SGK1: variants seen among roughly 807,000 people sequenced by gnomAD.
SGK1 encodes serine/threonine-protein kinase Sgk1.
In SGK1, 26 loss-of-function variants were observed where a neutral mutation model predicts 64.2. That is an observed-to-expected ratio of 0.40 (90% CI 0.30 to 0.56). The LOEUF (loss-of-function observed/expected upper bound fraction) is 0.56, where lower values mean the gene tolerates loss of function less well. Among genes scored for constraint, SGK1 ranks in the 20% least tolerant of loss-of-function variants. The pLI is 0.38. For missense variants in SGK1, 519 were observed against 645.6 expected (o/e 0.80, Z 2.12); for synonymous variants, 265 against 239.7 (o/e 1.11, Z -0.98).
intron 1 of SGK1, among the ~76,000 whole-genome samples, chr6:134,273,016 G>A (rs558720450): frequency 6.1e-5 from 9 of 148,344 alleles, no homozygotes; most frequent in Admixed American, 4.1e-4. Context: ...TTTCAGAGGG[G>A]CTGATACATG....
chr6:134,235,012 T>C (rs1776341057), intron 2 of SGK1, among the ~76,000 whole-genome samples: 1 of 152,216 alleles, frequency 6.6e-6, no homozygotes, highest in African/African-American at 2.4e-5. Flanking sequence ...ATTAATTTTC[T>C]TGAAGAGAAG....
chr6:134,303,132 G>A (rs910872825), intron 1 of SGK1, among the ~76,000 whole-genome samples: 1 of 151,992 alleles, frequency 6.6e-6, no homozygotes, highest in Admixed American at 6.5e-5. Flanking sequence ...AGTGGCTCAC[G>A]CCTATAATCC....
intron 3 of SGK1, chr6:134,178,052 G>T: frequency 1.9e-6 from 1 of 534,446 alleles, no homozygotes; most frequent in South Asian, 2.6e-5. Context: ...AAATCAGTCC[G>T]GAAAAAATTC....
At chr6:134,311,812 A>G (rs1337069399) in intron 1 of SGK1, among the ~76,000 whole-genome samples, 2 of 152,228 alleles carry the variant, frequency 1.3e-5, no homozygotes, top group Non-Finnish European at 2.9e-5. Flanking sequence ...AAGAAAGCAC[A>G]GTAGCAGCCA....
At chr6:134,266,110 A>G (rs1776851210) in intron 1 of SGK1, among the ~76,000 whole-genome samples, 1 of 151,822 alleles carries the variant, frequency 6.6e-6, no homozygotes, top group South Asian at 2.1e-4. Context: ...CAGCCTCCTG[A>G]GTGGCTGGAA....
At chr6:134,250,755 T>C (rs548992421) in intron 2 of SGK1, among the ~76,000 whole-genome samples, 34 of 152,318 alleles carry the variant, frequency 2.2e-4, no homozygotes, top group African/African-American at 7.9e-4. Flanking sequence ...CACTAAATCT[T>C]TCCCCCATTT....
At chr6:134,297,204 T>G (rs1239399666) in intron 1 of SGK1, 7 of 840,942 alleles carry the variant, frequency 8.3e-6, no homozygotes, top group Non-Finnish European at 1.4e-5. Flanking sequence ...ACTCACATTC[T>G]GTATCCCAGA....
At chr6:134,220,878 A>C (rs1035938390) in intron 2 of SGK1, among the ~76,000 whole-genome samples, 1 of 151,882 alleles carries the variant, frequency 6.6e-6, no homozygotes. Flanking sequence ...GCTACTCTGG[A>C]GGCTGAGGCA....
intron 1 of SGK1, among the ~76,000 whole-genome samples, chr6:134,277,053 CACAAAA>C (rs748076893): frequency 3.3e-5 from 5 of 150,614 alleles, no homozygotes; most frequent in Non-Finnish European, 7.4e-5. Context: ...CAAAAAAAAC[CACAAAA>C]ACAAAAACAA....
chr6:134,201,718 A>G (rs981320452), intron 3 of SGK1, among the ~76,000 whole-genome samples: 11 of 152,198 alleles, frequency 7.2e-5, no homozygotes, highest in African/African-American at 2.4e-4. Context: ...TACAGTAATA[A>G]AACTCGTACT....
intron 1 of SGK1, among the ~76,000 whole-genome samples, chr6:134,300,870 G>T (rs1190038370): frequency 6.6e-6 from 1 of 151,922 alleles, no homozygotes; most frequent in Non-Finnish European, 1.5e-5. Context: ...CTGACCTCGG[G>T]TGATCTACCC....
At chr6:134,301,586 C>CT (rs1777458676) in intron 1 of SGK1, among the ~76,000 whole-genome samples, 4 of 123,192 alleles carry the variant, frequency 3.2e-5, no homozygotes, top group Admixed American at 1.7e-4. Context: ...CTCTTCTCTT[C>CT]CCTTCTCTTC....
chr6:134,317,735 G>GT lies in SGK1; in HGVS notation c.-276dup. ...GCTGCAGGACCCTGGGGGCCGGACG[G>GT]TGGGATACGGCCAATCTCCGGGGAG... On this transcript the variant is annotated 5_prime_UTR_variant, in exon 1 of 14. Coordinates refer to ENST00000367858, the MANE Select transcript of SGK1 (RefSeq NM_001143676.3). The GT allele has an allele frequency of 2.6e-6, 1 of 383,078 alleles. No individual in the cohort carries two copies. Among genetic ancestry groups the GT allele is most frequent in the East Asian group, 4.4e-5 (1 of 22,764 alleles). 23.7% of individuals were successfully genotyped at this position (383,078 alleles called of 1,614,324 possible). A position where few individuals can be genotyped will look rare whatever the true frequency, so the allele number is the denominator to read the frequency against.
chr6:134,237,916 G>C (rs184248966), intron 2 of SGK1, among the ~76,000 whole-genome samples: 89 of 152,200 alleles, frequency 5.8e-4, no homozygotes, highest in Non-Finnish European at 1.2e-3. Context: ...ACTTGTCCTT[G>C]AGAATAATAT....
chr6:134,296,068 T>C (rs777251514), intron 1 of SGK1, among the ~76,000 whole-genome samples: 3 of 152,196 alleles, frequency 2.0e-5, no homozygotes, highest in Non-Finnish European at 2.9e-5. Context: ...GCCAGAGAAG[T>C]CATGTGATGT....
At chr6:134,174,994 C>T (rs1775178069) in intron 3 of SGK1, 5 of 1,208,726 alleles carry the variant, frequency 4.1e-6, no homozygotes, top group Admixed American at 6.0e-5. Flanking sequence ...GGTTTGCTGG[C>T]GGCTACGCTG....
intron 2 of SGK1, among the ~76,000 whole-genome samples, chr6:134,233,549 G>C (rs1776321113): frequency 1.3e-5 from 2 of 152,204 alleles, no homozygotes; most frequent in Admixed American, 1.3e-4. Context: ...GAATATGCCA[G>C]ACACGGTTAT....
chr6:134,246,447 A>C (rs911703942), intron 2 of SGK1, among the ~76,000 whole-genome samples: 1 of 151,746 alleles, frequency 6.6e-6, no homozygotes, highest in Admixed American at 6.6e-5. Context: ...GTGAACCACC[A>C]CACCTGGCCC....
At chr6:134,288,195 G>GATAT (rs1446260374) in intron 1 of SGK1, among the ~76,000 whole-genome samples, 1 of 152,196 alleles carries the variant, frequency 6.6e-6, no homozygotes, top group African/African-American at 2.4e-5. Context: ...GGTAAAAAGA[G>GATAT]ATATTGCCCT....
Sources: gnomAD v4.1 joint callset for allele counts (sites outside exome capture counted in the v4.1 genomes callset) on GRCh38, gnomAD v4.1.1 for gene constraint, MANE v1.5 for transcripts, NCBI Gene and HGNC (gene_info 2026-07-23, HGNC 2026-07-21) for gene names.